The following MIPEP variants were observed in gnomAD, a reference collection of about 807,000 sequenced individuals.
MIPEP encodes the protein mitochondrial intermediate peptidase.
Under a neutral mutation model 90.3 loss-of-function variants are expected in MIPEP, and 79 were observed. The ratio of observed to expected loss-of-function variants is 0.87; its 90% CI spans 0.73 to 1.05. MIPEP has a LOEUF of 1.05. MIPEP is among the 50% of genes least tolerant of loss of function. MIPEP has a pLI of 0.00. For missense variants in MIPEP, 940 were observed against 905.6 expected, an observed-to-expected ratio of 1.04 and a Z score of -0.49; for synonymous variants, 334 against 315.8, an observed-to-expected ratio of 1.06 and a Z score of -0.61.
intron 4 of MIPEP, among the ~76,000 whole-genome samples, chr13:23,877,704 C>T (rs1871125914): frequency 2.0e-5 from 3 of 152,184 alleles, no homozygotes; most frequent in South Asian, 2.1e-4. Flanking sequence ...TCCCTCTGTA[C>T]ATTAACTTAC....
intron 16 of MIPEP, among the ~76,000 whole-genome samples, chr13:23,780,848 G>A (rs1402354839): frequency 6.6e-6 from 1 of 152,114 alleles, no homozygotes; most frequent in Non-Finnish European, 1.5e-5. Context: ...GGAAGAAAGG[G>A]TATCAGTGAT....
intron 2 of MIPEP, among the ~76,000 whole-genome samples, chr13:23,882,260 C>T (rs1300682188): frequency 6.6e-6 from 1 of 152,066 alleles, no homozygotes; most frequent in Non-Finnish European, 1.5e-5. Flanking sequence ...AGAGCAGACA[C>T]TGGTTTCAAA....
chr13:23,762,675 G>A (rs543678469), intron 16 of MIPEP, among the ~76,000 whole-genome samples: 6 of 152,308 alleles, frequency 3.9e-5, no homozygotes, highest in African/African-American at 1.4e-4. Flanking sequence ...TCAGAAGTGT[G>A]GGCCTGTAAT....
intron 7 of MIPEP, among the ~76,000 whole-genome samples, chr13:23,869,026 AC>A (rs1870663004): frequency 6.6e-6 from 1 of 152,244 alleles, no homozygotes; most frequent in Admixed American, 6.5e-5. Context: ...TAAAATGAAA[AC>A]AATTTAGACT....
rs138299277 is a variant in MIPEP, at chr13:23,734,801, T to C, written c.2045-4356A>G. ...ACCTCTAACAGCAGTTAGTGCGGCA[T>C]CTCCACAGGGGGGAATGTTGTAGGA... is the stretch of plus-strand genomic sequence containing the variant. On this transcript the variant is annotated intron_variant, in intron 18 of 18. Transcript: ENST00000382172. Among the ~76,000 whole-genome samples the C allele has an allele frequency of 7.6e-3, 1,157 of 152,184 alleles. 5 individuals are homozygous for C. Among genetic ancestry groups the C allele is most frequent in the Non-Finnish European group, 0.012 (782 of 67,984 alleles).
chr13:23,882,647 C>G (rs538152677), intron 2 of MIPEP, among the ~76,000 whole-genome samples: 1 of 135,178 alleles, frequency 7.4e-6, no homozygotes, highest in South Asian at 2.2e-4. Flanking sequence ...AGAGAAACTA[C>G]AAAACACTAC....
At chr13:23,873,673 T>C (rs1449380054) in intron 5 of MIPEP, among the ~76,000 whole-genome samples, 1 of 152,194 alleles carries the variant, frequency 6.6e-6, no homozygotes, top group African/African-American at 2.4e-5. Flanking sequence ...TGCAGACAGA[T>C]GCAGGACTGT....
At chr13:23,888,619 C>CAAA (rs1871629766) in intron 1 of MIPEP, 1 of 806,406 alleles carries the variant, frequency 1.2e-6, no homozygotes, top group African/African-American at 1.9e-5. Context: ...CAAGAAAGCC[C>CAAA]AAAGCTTTGA....
At chr13:23,733,182 A>G (rs1593121941) in intron 18 of MIPEP, among the ~76,000 whole-genome samples, 2 of 152,376 alleles carry the variant, frequency 1.3e-5, no homozygotes, top group South Asian at 4.1e-4. Context: ...TAGCATACAA[A>G]GTGCAGTCAG....
intron 2 of MIPEP, among the ~76,000 whole-genome samples, chr13:23,882,779 T>A (rs1005886633): frequency 1.3e-5 from 2 of 152,190 alleles, no homozygotes; most frequent in Non-Finnish European, 2.9e-5. Flanking sequence ...TAGTTTGGTA[T>A]ATTTGTTGTA....
At chr13:23,784,021 A>G (rs1363709561) in intron 16 of MIPEP, among the ~76,000 whole-genome samples, 1 of 152,192 alleles carries the variant, frequency 6.6e-6, no homozygotes, top group Non-Finnish European at 1.5e-5. Context: ...AAATGGCCAT[A>G]CTGCCCAAGA....
intron 14 of MIPEP, 149 bp downstream of exon 14, chr13:23,836,091 T>C (rs562822468): frequency 3.8e-6 from 2 of 523,842 alleles, no homozygotes; most frequent in South Asian, 3.9e-5. Context: ...AAAGAAAAGA[T>C]AGGGAATCAG....
intron 16 of MIPEP, among the ~76,000 whole-genome samples, chr13:23,763,573 A>C (rs1027848846): frequency 7.1e-6 from 1 of 141,196 alleles, no homozygotes; most frequent in Non-Finnish European, 1.5e-5. Flanking sequence ...TGAGCTAAGA[A>C]ATGTCTTAAG....
At chr13:23,739,292 T>C (rs1423241439) in intron 18 of MIPEP, among the ~76,000 whole-genome samples, 1 of 152,248 alleles carries the variant, frequency 6.6e-6, no homozygotes, top group Non-Finnish European at 1.5e-5. Flanking sequence ...GCTGGGGCTC[T>C]GCACTTGCTC....
At chr13:23,770,350 T>C (rs1463053986) in intron 16 of MIPEP, among the ~76,000 whole-genome samples, 1 of 152,204 alleles carries the variant, frequency 6.6e-6, no homozygotes, top group Non-Finnish European at 1.5e-5. Flanking sequence ...TCGATCCATA[T>C]GGCTCATTCT....
At chr13:23,737,479 T>A (rs1168824404) in intron 18 of MIPEP, among the ~76,000 whole-genome samples, 1 of 152,154 alleles carries the variant, frequency 6.6e-6, no homozygotes, top group Non-Finnish European at 1.5e-5. Flanking sequence ...AGCCTTCACA[T>A]ATTTAAGGGG....
At chr13:23,779,316 T>A (rs904273284) in intron 16 of MIPEP, among the ~76,000 whole-genome samples, 1 of 152,078 alleles carries the variant, frequency 6.6e-6, no homozygotes, top group African/African-American at 2.4e-5. Context: ...AGATAGTATG[T>A]TTTCATTAGA....
rs534392225 is a variant in MIPEP, at chr13:23,761,748, A to G, written c.1849-1531T>C. Among the ~76,000 whole-genome samples the G allele has an allele frequency of 2.6e-5, 4 of 152,302 alleles. No homozygotes were observed. The South Asian group carries it at 8.3e-4, about 32-fold the overall frequency. ...CAAAGGCTACACTTAGGACTTTAAC[A>G]TTTTTACTTTTCTGAAACAAATCTG... On this transcript the variant is annotated intron_variant, in intron 16 of 18. Transcript: ENST00000382172.
intron 16 of MIPEP, among the ~76,000 whole-genome samples, chr13:23,771,664 G>A (rs1952653163): frequency 6.6e-6 from 1 of 151,982 alleles, no homozygotes; most frequent in South Asian, 2.1e-4. Flanking sequence ...ACTGAAGAAT[G>A]CATGACTCCT....
Sources: gnomAD v4.1 joint callset for allele counts (sites outside exome capture counted in the v4.1 genomes callset) on GRCh38, gnomAD v4.1.1 for gene constraint, MANE v1.5 for transcripts, NCBI Gene and HGNC (gene_info 2026-07-23, HGNC 2026-07-21) for gene names.